The following ERG variants were observed in gnomAD, a reference collection of about 807,000 sequenced individuals.
The protein encoded by ERG is transcriptional regulator ERG.
A neutral mutation model predicts 55.3 loss-of-function variants in ERG; 9 were observed. The ratio of observed to expected loss-of-function variants is 0.16; its 90% CI spans 0.10 to 0.28. The LOEUF (loss-of-function observed/expected upper bound fraction) is 0.28, where lower values mean the gene tolerates loss of function less well. Ranked by LOEUF, ERG falls within the 10% of genes least tolerant of loss-of-function variation. The pLI, the probability that ERG is intolerant of heterozygous loss-of-function variation, is 1.00. For missense variants in ERG, 434 were observed against 631.6 expected, an observed-to-expected ratio of 0.69 and a Z score of 3.35; for synonymous variants, 223 against 237.3, an observed-to-expected ratio of 0.94 and a Z score of 0.55.
downstream of ERG, among the ~76,000 whole-genome samples, chr21:38,377,015 G>A (rs970602736): frequency 6.6e-6 from 1 of 152,232 alleles, no homozygotes; most frequent in Admixed American, 6.5e-5. Context: ...ATGCCCTGAA[G>A]ACTGTCCAAG....
intron 2 of ERG, among the ~76,000 whole-genome samples, chr21:38,530,478 A>G (rs918903666): frequency 6.6e-6 from 1 of 152,174 alleles, no homozygotes; most frequent in Admixed American, 6.5e-5. Context: ...TGGATCTAAG[A>G]CCATTGGGTG....
chr21:38,642,426 C>T (rs2060430941), intron 1 of ERG, among the ~76,000 whole-genome samples: 1 of 152,028 alleles, frequency 6.6e-6, no homozygotes, highest in African/African-American at 2.4e-5. Context: ...AAGTTTTAAA[C>T]ATTTTAGTAC....
At chr21:38,542,955 A>G (rs764252083) in intron 2 of ERG, among the ~76,000 whole-genome samples, 20 of 152,164 alleles carry the variant, frequency 1.3e-4, no homozygotes, top group Non-Finnish European at 2.5e-4. Flanking sequence ...CAAGCAGCAA[A>G]TACCTCGCAG....
intron 2 of ERG, among the ~76,000 whole-genome samples, chr21:38,543,512 G>GAAA (rs2059768171): frequency 6.6e-6 from 1 of 151,928 alleles, no homozygotes; most frequent in Non-Finnish European, 1.5e-5. Flanking sequence ...TTATAGCCAG[G>GAAA]TAATTCAATA....
At chr21:38,497,783 T>C (rs2059391640) in intron 1 of ERG, among the ~76,000 whole-genome samples, 1 of 152,140 alleles carries the variant, frequency 6.6e-6, no homozygotes, top group Non-Finnish European at 1.5e-5. Flanking sequence ...AAACATATAG[T>C]GGAACAAACC....
At chr21:38,558,762 A>C (rs2059873918) in intron 2 of ERG, among the ~76,000 whole-genome samples, 1 of 152,230 alleles carries the variant, frequency 6.6e-6, no homozygotes. Flanking sequence ...GCGCAAATTG[A>C]GGGAAGAGTA....
chr21:38,419,153 G>A (rs145663454), intron 3 of ERG, among the ~76,000 whole-genome samples: 50 of 152,068 alleles, frequency 3.3e-4, no homozygotes, highest in African/African-American at 1.1e-3. Context: ...ACAGATACTC[G>A]CACCAAATAC....
intron 2 of ERG, among the ~76,000 whole-genome samples, chr21:38,436,166 A>AC (rs2058787648): frequency 1.7e-5 from 2 of 116,948 alleles, no homozygotes; most frequent in Middle Eastern, 4.6e-3. Context: ...GCACCTGGCT[A>AC]ATTTTTTTTT....
intron 1 of ERG, among the ~76,000 whole-genome samples, chr21:38,465,629 G>A (rs1364491413): frequency 1.3e-5 from 2 of 152,168 alleles, no homozygotes; most frequent in Non-Finnish European, 2.9e-5. Flanking sequence ...TTGATAATGT[G>A]GGCAAGGCTA....
chr21:38,415,657 G>C (rs528357145), intron 3 of ERG, among the ~76,000 whole-genome samples: 1 of 152,162 alleles, frequency 6.6e-6, no homozygotes, highest in African/African-American at 2.4e-5. Flanking sequence ...CAGGTTCTGG[G>C]CCTGAGAATA....
intron 2 of ERG, among the ~76,000 whole-genome samples, chr21:38,548,935 C>G (rs1601225888): frequency 3.3e-5 from 5 of 150,988 alleles, no homozygotes; most frequent in African/African-American, 1.2e-4. Flanking sequence ...ATGGTGAAAC[C>G]CCGCCTCTAC....
At chr21:38,552,744 G>A (rs1050532677) in intron 2 of ERG, among the ~76,000 whole-genome samples, 2 of 151,500 alleles carry the variant, frequency 1.3e-5, no homozygotes, top group Non-Finnish European at 2.9e-5. Flanking sequence ...AGGAAAAGCT[G>A]GAAGCATTCC....
In ERG at chr21:38,640,957, G is replaced by A. The variant is rs143930922; in HGVS notation, c.-150+20701C>T. Among the ~76,000 whole-genome samples the A allele has an allele frequency of 2.0e-3, 303 of 152,300 alleles. 2 individuals carry two copies. Among genetic ancestry groups the A allele is most frequent in the African/African-American group, 7.0e-3 (292 of 41,560 alleles). On this transcript the variant is annotated intron_variant, in intron 1 of 10. Transcript: ENST00000398910. ...GACTTTTACAACTATGTATTAGCAT[G>A]AGAAATATAACAACTAGAATAGAAC...
At chr21:38,491,763 C>T (rs191737531) in intron 1 of ERG, among the ~76,000 whole-genome samples, 6 of 152,094 alleles carry the variant, frequency 3.9e-5, no homozygotes, top group South Asian at 4.1e-4. Context: ...ACGCCCAAGA[C>T]GAGTGCAAGG....
intron 2 of ERG, among the ~76,000 whole-genome samples, chr21:38,521,371 C>T (rs1568879034): frequency 6.6e-6 from 1 of 152,192 alleles, no homozygotes; most frequent in Non-Finnish European, 1.5e-5. Flanking sequence ...CTCTTGCCCA[C>T]AGTCACAGCA....
chr21:38,442,546 G>A (rs2058851501), intron 2 of ERG, among the ~76,000 whole-genome samples: 1 of 152,212 alleles, frequency 6.6e-6, no homozygotes, highest in South Asian at 2.1e-4. Context: ...AGGGCCCTGG[G>A]GCGGAACTGC....
chr21:38,408,458 G>T (rs1203542779), intron 3 of ERG, among the ~76,000 whole-genome samples: 1 of 152,216 alleles, frequency 6.6e-6, no homozygotes, highest in Admixed American at 6.5e-5. Context: ...TTCTCACAGA[G>T]GAAACACTTA....
At chr21:38,433,953 A>G (rs2836392) in intron 2 of ERG, among the ~76,000 whole-genome samples, 119,766 of 152,068 alleles carry the variant, frequency 0.79, 47,368 homozygotes, top group African/African-American at 0.83. Flanking sequence ...CGACTTTCCA[A>G]CCCCTTGTTC....
upstream of ERG, among the ~76,000 whole-genome samples, chr21:38,502,045 T>C (rs1211037796): frequency 6.6e-6 from 1 of 152,174 alleles, no homozygotes; most frequent in African/African-American, 2.4e-5. Context: ...CTAAGAACAC[T>C]CTGAATGACA....
Sources: gnomAD v4.1 joint callset for allele counts (sites outside exome capture counted in the v4.1 genomes callset) on GRCh38, gnomAD v4.1.1 for gene constraint, MANE v1.5 for transcripts, NCBI Gene and HGNC (gene_info 2026-07-23, HGNC 2026-07-21) for gene names.